The following GPC5 variants were observed in gnomAD, a reference collection of about 807,000 sequenced individuals.
GPC5 encodes glypican 5, also known as glypican-5.
GPC5 carries 47 observed loss-of-function variants against 53.9 expected under a neutral mutation model. The ratio of observed to expected loss-of-function variants is 0.87; its 90% CI spans 0.69 to 1.11. The LOEUF (loss-of-function observed/expected upper bound fraction) is 1.11, where lower values mean the gene tolerates loss of function less well. Among genes scored for constraint, GPC5 ranks in the 50% most tolerant of loss-of-function variants. GPC5 has a pLI of 0.00. For missense variants in GPC5, 748 were observed against 713.1 expected (o/e 1.05, Z -0.56); for synonymous variants, 286 against 263.3 (o/e 1.09, Z -0.84).
chr13:91,567,569 A>G (rs1414330099), intron 2 of GPC5, among the ~76,000 whole-genome samples: 3 of 152,150 alleles, frequency 2.0e-5, no homozygotes, highest in Admixed American at 2.0e-4. Flanking sequence ...TTGTTTTCAG[A>G]AGCAGTTATT....
chr13:92,217,309 G>T (rs1247104218), intron 7 of GPC5, among the ~76,000 whole-genome samples: 3 of 152,174 alleles, frequency 2.0e-5, no homozygotes, highest in African/African-American at 7.2e-5. Context: ...AATATCAGCT[G>T]TACACTTCCT....
chr13:91,652,874 A>T (rs2034750579), intron 2 of GPC5, among the ~76,000 whole-genome samples: 1 of 152,144 alleles, frequency 6.6e-6, no homozygotes. Context: ...CAGGCTTCCT[A>T]ATTAATCCAC....
At chr13:91,546,387 G>T (rs1051645667) in intron 2 of GPC5, among the ~76,000 whole-genome samples, 2 of 151,932 alleles carry the variant, frequency 1.3e-5, no homozygotes, top group African/African-American at 4.8e-5. Flanking sequence ...TGCAAAAAAG[G>T]CCATTGCAAA....
intron 7 of GPC5, among the ~76,000 whole-genome samples, chr13:92,276,370 T>C (rs1050419765): frequency 6.6e-6 from 1 of 152,128 alleles, no homozygotes; most frequent in Admixed American, 6.6e-5. Context: ...CTTCTTACCA[T>C]CTAAAATTCT....
At chr13:91,465,348 T>C (rs1487349893) in intron 2 of GPC5, among the ~76,000 whole-genome samples, 1 of 152,172 alleles carries the variant, frequency 6.6e-6, no homozygotes, top group African/African-American at 2.4e-5. Context: ...TCACCCCGAA[T>C]AGTTACCCTA....
chr13:91,941,996 T>A (rs1355733151), intron 6 of GPC5, among the ~76,000 whole-genome samples: 1 of 152,176 alleles, frequency 6.6e-6, no homozygotes, highest in Non-Finnish European at 1.5e-5. Flanking sequence ...AGTGAATTAA[T>A]GTATCCATCA....
At chr13:92,211,359 T>C (rs2139074759) in intron 7 of GPC5, among the ~76,000 whole-genome samples, 1 of 152,372 alleles carries the variant, frequency 6.6e-6, no homozygotes, top group African/African-American at 2.4e-5. Flanking sequence ...CATCTTGCTC[T>C]TCCTCATTCC....
chr13:91,749,507 A>C (rs1048123434), intron 4 of GPC5, among the ~76,000 whole-genome samples: 1 of 152,146 alleles, frequency 6.6e-6, no homozygotes, highest in Non-Finnish European at 1.5e-5. Context: ...GTATCTTTTG[A>C]TATAATGATT....
intron 7 of GPC5, among the ~76,000 whole-genome samples, chr13:92,748,976 G>GT (rs1172423727): frequency 6.6e-6 from 1 of 152,066 alleles, no homozygotes; most frequent in East Asian, 1.9e-4. Context: ...CAGTTTCTGT[G>GT]TTTAACACTT....
chr13:92,234,140 G>A (rs906891209), intron 7 of GPC5, among the ~76,000 whole-genome samples: 3 of 152,216 alleles, frequency 2.0e-5, no homozygotes, highest in South Asian at 2.1e-4. Flanking sequence ...TGTCTTTATA[G>A]CAGCATGATT....
intron 2 of GPC5, among the ~76,000 whole-genome samples, chr13:91,571,209 G>C (rs969418704): frequency 6.6e-6 from 1 of 152,072 alleles, no homozygotes; most frequent in African/African-American, 2.4e-5. Context: ...TAATTTGTAT[G>C]CAAGTATAAG....
chr13:92,538,277 C>T (rs566560264), intron 7 of GPC5, among the ~76,000 whole-genome samples: 2 of 151,766 alleles, frequency 1.3e-5, no homozygotes, highest in South Asian at 4.2e-4. Context: ...CTCCCCTTTT[C>T]CTCCTTTTTC....
intron 7 of GPC5, among the ~76,000 whole-genome samples, chr13:92,632,973 C>T (rs1885301464): frequency 6.6e-6 from 1 of 152,154 alleles, no homozygotes; most frequent in African/African-American, 2.4e-5. Flanking sequence ...TCACTGCAAT[C>T]TCTGTCTCCG....
At chr13:92,094,858 T>C (rs2041409683) in intron 6 of GPC5, among the ~76,000 whole-genome samples, 1 of 152,082 alleles carries the variant, frequency 6.6e-6, no homozygotes, top group African/African-American at 2.4e-5. Flanking sequence ...TATTACTATA[T>C]TGTATATAGT....
chr13:92,718,077 AG>A (rs1275179458), intron 7 of GPC5, among the ~76,000 whole-genome samples: 1 of 152,208 alleles, frequency 6.6e-6, no homozygotes. Flanking sequence ...TGTGGAGAAA[AG>A]GGAACGCTTG....
intron 7 of GPC5, among the ~76,000 whole-genome samples, chr13:92,411,444 G>T (rs949786376): frequency 1.3e-5 from 2 of 152,054 alleles, no homozygotes; most frequent in African/African-American, 4.8e-5. Context: ...ATTTTCCTGA[G>T]AATTGTTCCA....
At chr13:92,149,637 A>G (rs929053295) in intron 7 of GPC5, among the ~76,000 whole-genome samples, 1 of 152,070 alleles carries the variant, frequency 6.6e-6, no homozygotes, top group African/African-American at 2.4e-5. Flanking sequence ...ACACTTTACT[A>G]GCCGCTGAAG....
chr13:92,252,773 G>A (rs1383051868), intron 7 of GPC5, among the ~76,000 whole-genome samples: 9 of 152,056 alleles, frequency 5.9e-5, no homozygotes, highest in Non-Finnish European at 1.2e-4. Context: ...AGTTGTAAAG[G>A]AACATTGCTG....
intron 7 of GPC5, among the ~76,000 whole-genome samples, chr13:92,505,971 G>A (rs965736414): frequency 1.3e-5 from 2 of 152,112 alleles, no homozygotes; most frequent in African/African-American, 2.4e-5. Flanking sequence ...GAAGTAGTGG[G>A]ACTGTAAAGA....
Sources: allele counts gnomAD v4.1 joint callset (sites outside exome capture counted in the v4.1 genomes callset), GRCh38; gene constraint gnomAD v4.1.1; transcripts MANE v1.5; gene names NCBI Gene and HGNC (gene_info 2026-07-23, HGNC 2026-07-21).